The following ABRAXAS2 variants were observed in gnomAD, a reference collection of about 807,000 sequenced individuals.
ABRAXAS2 encodes the protein BRISC complex subunit Abraxas 2.
A neutral mutation model predicts 49.0 loss-of-function variants in ABRAXAS2; 23 were observed. That is an observed-to-expected ratio of 0.47 (90% CI 0.34 to 0.66). ABRAXAS2 has a LOEUF of 0.66. ABRAXAS2 is among the 30% of genes least tolerant of loss of function. The pLI, the probability that ABRAXAS2 is intolerant of heterozygous loss-of-function variation, is 0.01. For synonymous variants in ABRAXAS2, 168 were observed against 180.2 expected (o/e 0.93, Z 0.54); for missense variants, 443 against 511.9 (o/e 0.87, Z 1.30).
intron 5 of ABRAXAS2, among the ~76,000 whole-genome samples, chr10:124,827,134 G>A (rs1480215182): frequency 6.8e-6 from 1 of 146,826 alleles, no homozygotes; most frequent in Non-Finnish European, 1.5e-5. Context: ...ACTGAGATTC[G>A]TGACTTCAAA....
intron 2 of ABRAXAS2, among the ~76,000 whole-genome samples, chr10:124,810,861 G>A (rs1418071556): frequency 6.6e-6 from 1 of 151,410 alleles, no homozygotes; most frequent in East Asian, 2.0e-4. Context: ...GATTACAGGC[G>A]TGAGCGACCA....
intron 2 of ABRAXAS2, among the ~76,000 whole-genome samples, chr10:124,812,573 A>G (rs1187855721): frequency 6.6e-6 from 1 of 151,952 alleles, no homozygotes; most frequent in East Asian, 1.9e-4. Flanking sequence ...AGCCTAGGAG[A>G]TTGAGGCTAC....
At chr10:124,823,860 C>A (rs2134168430) in intron 4 of ABRAXAS2, among the ~76,000 whole-genome samples, 1 of 152,336 alleles carries the variant, frequency 6.6e-6, no homozygotes. Context: ...ATCACCAATA[C>A]ACATTAATTT....
At chr10:124,810,976 T>A (rs528845956) in intron 2 of ABRAXAS2, among the ~76,000 whole-genome samples, 1 of 150,756 alleles carries the variant, frequency 6.6e-6, no homozygotes, top group South Asian at 2.1e-4. Flanking sequence ...TCCCAGCACT[T>A]TGGGAGGCCG....
chr10:124,809,434 G>A (rs1414947196), intron 2 of ABRAXAS2, among the ~76,000 whole-genome samples: 1 of 149,282 alleles, frequency 6.7e-6, no homozygotes, highest in South Asian at 2.2e-4. Context: ...ACAGGTGCAT[G>A]CCACCATGCC....
chr10:124,836,522 T>A lies in ABRAXAS2; in HGVS notation c.*1551T>A, dbSNP rs1271422409. The A allele has an allele frequency of 6.6e-6, 1 of 152,578 alleles. No homozygotes were observed. Among genetic ancestry groups the A allele is most frequent in the Non-Finnish European group, 1.5e-5 (1 of 68,040 alleles). The allele number at this position is 152,578 out of a possible 1,614,324, so 9.5% of individuals were successfully genotyped here. On this transcript the variant is annotated 3_prime_UTR_variant, in exon 9 of 9. Transcript: ENST00000298492. The stretch of plus-strand genomic sequence containing the variant: ...ACGCAGCTTCAGCGCCAGTGTGAAT[T>A]TATTTTTTTTTAAGTGCCATTACCG...
chr10:124,802,758 T>A (rs747464731), intron 1 of ABRAXAS2, among the ~76,000 whole-genome samples: 1 of 152,234 alleles, frequency 6.6e-6, no homozygotes, highest in Non-Finnish European at 1.5e-5. Flanking sequence ...TAATAGTGAA[T>A]GATTCAAACT....
intron 7 of ABRAXAS2, among the ~76,000 whole-genome samples, chr10:124,831,121 G>A (rs1305548822): frequency 6.6e-6 from 1 of 151,836 alleles, no homozygotes; most frequent in African/African-American, 2.4e-5. Context: ...ACCCTTACTG[G>A]TCAAGAATTT....
chr10:124,817,406 C>G (rs1392772477), intron 3 of ABRAXAS2, among the ~76,000 whole-genome samples: 1 of 152,114 alleles, frequency 6.6e-6, no homozygotes, highest in Non-Finnish European at 1.5e-5. Flanking sequence ...GGACTTCCCC[C>G]CAAACCACCA....
intron 4 of ABRAXAS2, among the ~76,000 whole-genome samples, chr10:124,821,481 G>A (rs572443683): frequency 5.3e-5 from 8 of 152,036 alleles, no homozygotes; most frequent in East Asian, 1.9e-4. Context: ...CAGGAGAATC[G>A]CTTGAACCCG....
intron 2 of ABRAXAS2, among the ~76,000 whole-genome samples, 186 bp from the exon 3 acceptor site, chr10:124,816,388 CTT>C (rs953928267): frequency 2.3e-4 from 35 of 152,114 alleles, no homozygotes; most frequent in African/African-American, 6.5e-4. Flanking sequence ...TCTGTAGTCT[CTT>C]TTATTCTGAG....
intron 1 of ABRAXAS2, 44 bp downstream of exon 1, chr10:124,801,945 C>T (rs191790856): frequency 1.2e-5 from 19 of 1,596,236 alleles, no homozygotes; most frequent in Admixed American, 6.7e-5. Context: ...GGCTTTCAGC[C>T]TCTGTCTCAG....
At chr10:124,820,103 A>G (rs1442712879) in intron 4 of ABRAXAS2, among the ~76,000 whole-genome samples, 1 of 152,286 alleles carries the variant, frequency 6.6e-6, no homozygotes, top group Admixed American at 6.5e-5. Flanking sequence ...CAGAAAACAA[A>G]ATGCCGTTGT....
At chr10:124,814,323 T>G (rs542126922) in intron 2 of ABRAXAS2, among the ~76,000 whole-genome samples, 2 of 151,622 alleles carry the variant, frequency 1.3e-5, no homozygotes, top group East Asian at 3.9e-4. Flanking sequence ...GAAGGAAATA[T>G]TACTAGGTGA....
At chr10:124,814,419 G>A (rs1160826000) in intron 2 of ABRAXAS2, among the ~76,000 whole-genome samples, 2 of 151,642 alleles carry the variant, frequency 1.3e-5, no homozygotes, top group Middle Eastern at 3.4e-3. Context: ...GTGTGATCTC[G>A]GCTCACTGCA....
At chr10:124,818,742 C>A (rs1950842037) in intron 3 of ABRAXAS2, among the ~76,000 whole-genome samples, 1 of 152,160 alleles carries the variant, frequency 6.6e-6, no homozygotes, top group Non-Finnish European at 1.5e-5. Context: ...GGATGCGCAC[C>A]ACGGGATCCT....
At chr10:124,815,273 C>T (rs1950816085) in intron 2 of ABRAXAS2, among the ~76,000 whole-genome samples, 1 of 151,906 alleles carries the variant, frequency 6.6e-6, no homozygotes, top group Non-Finnish European at 1.5e-5. Flanking sequence ...GGGTTCACTG[C>T]AAGCTCCACC....
rs187432198 is a variant in ABRAXAS2 at position 124,833,583 on chromosome 10, A to G, written c.779-919A>G. 2.1e-3 allele frequency among the ~76,000 whole-genome samples: 316 copies of G among 152,350 alleles called. 1 individual carries two copies. Among genetic ancestry groups the G allele is most frequent in the Non-Finnish European group, 3.6e-3 (245 of 68,038 alleles). ...ATAAAACTGGAGTTCAGCAAGGATT[A>G]GTGACTTCTGTAACACAGCAAGGAA... On this transcript the variant is annotated intron_variant, in intron 8 of 8. Transcript: ENST00000298492.
intron 7 of ABRAXAS2, among the ~76,000 whole-genome samples, chr10:124,829,901 C>T (rs903603636): frequency 4.6e-5 from 7 of 152,162 alleles, no homozygotes; most frequent in Admixed American, 6.5e-5. Flanking sequence ...GGGAGGATCT[C>T]GGCAGAGCCT....
Sources: allele counts gnomAD v4.1 joint callset (sites outside exome capture counted in the v4.1 genomes callset), GRCh38; gene constraint gnomAD v4.1.1; transcripts MANE v1.5; gene names NCBI Gene and HGNC (gene_info 2026-07-23, HGNC 2026-07-21).